EIF3K: variants seen among roughly 807,000 people sequenced by gnomAD.
EIF3K encodes the protein eukaryotic translation initiation factor 3 subunit K.
Under a neutral mutation model 34.2 loss-of-function variants are expected in EIF3K, and 27 were observed. That is an observed-to-expected ratio of 0.79 (90% confidence interval 0.58 to 1.09). EIF3K has a LOEUF of 1.09. Ranked by LOEUF, EIF3K falls within the 50% of genes least tolerant of loss-of-function variation. The pLI is 0.00. For synonymous variants in EIF3K, 105 were observed against 105.7 expected (o/e 0.99, Z 0.04); for missense variants, 232 against 275.4 (o/e 0.84, Z 1.11).
intron 4 of EIF3K, 91 bp from the exon 5 acceptor site, chr19:38,632,339 A>G: frequency 8.0e-7 from 1 of 1,257,394 alleles, no homozygotes; most frequent in South Asian, 1.3e-5. Flanking sequence ...CAGCCTGGGC[A>G]ACGTAGTGAG....
chr19:38,632,385 ATAAT>A (rs1976088051), intron 4 of EIF3K, 41 bp from the exon 5 acceptor site: 1 of 1,572,338 alleles, frequency 6.4e-7, no homozygotes, highest in Non-Finnish European at 8.7e-7. Flanking sequence ...ATAAAAGCAA[ATAAT>A]TTAAAAGAAT....
intron 7 of EIF3K, 51 bp downstream of exon 7, chr19:38,635,169 A>C: frequency 6.2e-7 from 1 of 1,612,452 alleles, no homozygotes. Flanking sequence ...GGTGCCCCTC[A>C]AGGGAGGCCG....
intron 2 of EIF3K, among the ~76,000 whole-genome samples, chr19:38,622,836 G>A (rs1047934318): frequency 2.6e-5 from 4 of 152,142 alleles, no homozygotes; most frequent in Admixed American, 2.0e-4. Flanking sequence ...AGAATTCAGC[G>A]ATATTTCTCC....
chr19:38,630,336 T>C (rs908539168), intron 4 of EIF3K, among the ~76,000 whole-genome samples: 1 of 145,906 alleles, frequency 6.9e-6, no homozygotes, highest in South Asian at 2.2e-4. Context: ...TAATTATTTA[T>C]TTATTTATTT....
At position 38,629,305 on chromosome 19, in the gene EIF3K, T is replaced by C. The variant is rs908474356; in HGVS notation, c.355-3125T>C. 2.0e-5 allele frequency among the ~76,000 whole-genome samples: 3 copies of C among 147,838 alleles called. No homozygotes were observed. In the Admixed American group the frequency reaches 2.0e-4, roughly 10 times the overall value. The stretch of plus-strand genomic sequence containing the variant: ...TGTTTTGTTTTGTTTTGTTTTGTTT[T>C]GTTTTTTGAGACAGGGTCTCACTCT... On this transcript the variant is annotated intron_variant, in intron 4 of 7. Transcript: ENST00000248342.
intron 2 of EIF3K, among the ~76,000 whole-genome samples, chr19:38,621,149 T>C (rs895836916): frequency 1.3e-5 from 2 of 149,674 alleles, no homozygotes; most frequent in African/African-American, 2.5e-5. Context: ...TGAGCCATGA[T>C]AGTGCCACTG....
rs1976086961 is a variant in EIF3K at position 38,632,328 on chromosome 19, C to A, written c.355-102C>A. On this transcript the variant is annotated intron_variant, in intron 4 of 7. Coordinates refer to ENST00000248342, the MANE Select transcript of EIF3K (RefSeq NM_013234.4). ...ATCACTTGAGCCCAGAAATTCAAGA[C>A]CAGCCTGGGCAACGTAGTGAGACCC... is the stretch of plus-strand genomic sequence containing the variant. The A allele has an allele frequency of 6.1e-6, 7 of 1,146,014 alleles. No individual in the cohort carries two copies. The East Asian group carries it at 1.5e-4, about 25-fold the overall frequency. The allele number at this position is 1,146,014 out of a possible 1,614,324, so 71.0% of individuals were successfully genotyped here.
At chr19:38,626,208 G>A (rs1045787446) in intron 4 of EIF3K, 106 bp downstream of exon 4, 1 of 1,038,176 alleles carries the variant, frequency 9.6e-7, no homozygotes, top group African/African-American at 1.6e-5. Flanking sequence ...TTTGGCGGTG[G>A]GCCCAGTGCT....
At chr19:38,632,254 A>T in intron 4 of EIF3K, 176 bp from the exon 5 acceptor site, 1 of 616,730 alleles carries the variant, frequency 1.6e-6, no homozygotes. Context: ...CGTCTATGTA[A>T]CAACAGCAGC....
chr19:38,633,834 G>C (rs943627366), intron 6 of EIF3K, among the ~76,000 whole-genome samples: 1 of 151,980 alleles, frequency 6.6e-6, no homozygotes, highest in African/African-American at 2.4e-5. Context: ...TTAGCTGGAC[G>C]TGTTGGCATG....
intron 4 of EIF3K, chr19:38,626,321 A>G (rs78104785): frequency 0.031 from 17,890 of 582,824 alleles, 399 homozygotes; most frequent in South Asian, 0.043. Context: ...CCTTTCTCCC[A>G]TCTTTCCACT....
chr19:38,633,256 C>T (rs1976109902), intron 6 of EIF3K, among the ~76,000 whole-genome samples: 1 of 151,976 alleles, frequency 6.6e-6, no homozygotes, highest in Admixed American at 6.6e-5. Flanking sequence ...TTGTCCTTTC[C>T]CCTGACTGAG....
At chr19:38,625,932 G>T in intron 3 of EIF3K, 96 bp from the exon 4 acceptor site, 3 of 1,174,992 alleles carry the variant, frequency 2.6e-6, no homozygotes, top group Middle Eastern at 1.9e-4. Context: ...TGAAGCTTTG[G>T]AAGAAAGCAG....
At chr19:38,619,993 C>G (rs184780689) in intron 1 of EIF3K, among the ~76,000 whole-genome samples, 3 of 152,204 alleles carry the variant, frequency 2.0e-5, no homozygotes, top group Non-Finnish European at 4.4e-5. Context: ...GGGGCTGGAT[C>G]AGGGTGGAGG....
At chr19:38,626,229 G>T (rs1975948906) in intron 4 of EIF3K, 127 bp downstream of exon 4, 2 of 875,776 alleles carry the variant, frequency 2.3e-6, no homozygotes, top group Non-Finnish European at 3.8e-6. Flanking sequence ...CTGCATGTGT[G>T]TGTTTGTGGA....
rs552121156 is a variant in EIF3K at position 38,628,051 on chromosome 19, T to G, written c.354+1949T>G. The stretch of plus-strand genomic sequence containing the variant: ...TCCCAGGTAGCTGGGACTACAGGCA[T>G]GCACCACCCCGCCGGCTAATTTTTG... On this transcript the variant is annotated intron_variant, in intron 4 of 7. Coordinates refer to ENST00000248342, the MANE Select transcript of EIF3K (RefSeq NM_013234.4). Among the ~76,000 whole-genome samples the G allele has an allele frequency of 2.9e-3, 436 of 152,124 alleles. 5 individuals carry two copies. The highest frequency in any genetic ancestry group is 0.01 in the African/African-American group (421 of 41,500).
chr19:38,630,411 C>G (rs1470783160), intron 4 of EIF3K, among the ~76,000 whole-genome samples: 1 of 149,454 alleles, frequency 6.7e-6, no homozygotes, highest in Non-Finnish European at 1.5e-5. Flanking sequence ...GTGGCACAAT[C>G]TCAGCTCACT....
Position 38,619,226 on chromosome 19 carries a change from C to A in EIF3K, c.-43C>A. The A allele has an allele frequency of 6.2e-7, 1 of 1,606,288 alleles. No individual in the cohort carries two copies. Among genetic ancestry groups the A allele is most frequent in the South Asian group, 1.1e-5 (1 of 90,664 alleles). Reference sequence around the variant, plus strand: ...CGTCCTTGAGGACGCCGTGCCGGGTCAGTGTTAGCCTCCAGCCCTGGTTGT... The same window carrying A: ...CGTCCTTGAGGACGCCGTGCCGGGTAAGTGTTAGCCTCCAGCCCTGGTTGT... On this transcript the variant is annotated 5_prime_UTR_variant, in exon 1 of 8. Coordinates refer to ENST00000248342, the MANE Select transcript of EIF3K (RefSeq NM_013234.4).
intron 2 of EIF3K, among the ~76,000 whole-genome samples, chr19:38,622,294 A>G (rs1356842626): frequency 6.6e-6 from 1 of 151,992 alleles, no homozygotes; most frequent in East Asian, 1.9e-4. Context: ...TATATTCCTA[A>G]GCATTGGCTG....
Sources: gnomAD v4.1 joint callset for allele counts (sites outside exome capture counted in the v4.1 genomes callset) on GRCh38, gnomAD v4.1.1 for gene constraint, MANE v1.5 for transcripts, NCBI Gene and HGNC (gene_info 2026-07-23, HGNC 2026-07-21) for gene names.